NCOA2: variants seen among roughly 807,000 people sequenced by gnomAD.
The protein encoded by NCOA2 is nuclear receptor coactivator 2.
Under a neutral mutation model 145.1 loss-of-function variants are expected in NCOA2, and 21 were observed. The observed-to-expected ratio is 0.14, with a 90% CI of 0.10 to 0.21. The LOEUF (loss-of-function observed/expected upper bound fraction) is 0.21. NCOA2 is among the 10% of genes least tolerant of loss of function. NCOA2 has a pLI of 1.00. For missense variants in NCOA2, 1,472 were observed against 1,837.6 expected (o/e 0.80, Z 3.64); for synonymous variants, 619 against 637.5 (o/e 0.97, Z 0.44).
chr8:70,429,196 C>G, the NCOA2 span, among the ~76,000 whole-genome samples: 1 of 152,172 alleles, frequency 6.6e-6, no homozygotes, highest in East Asian at 1.9e-4. Flanking sequence ...CCCATTCTTT[C>G]ATTTATGTTT....
chr8:70,239,191 A>G (rs1821909943), intron 2 of NCOA2, among the ~76,000 whole-genome samples: 1 of 152,150 alleles, frequency 6.6e-6, no homozygotes, highest in Non-Finnish European at 1.5e-5. Context: ...TCTGGAGGTG[A>G]TGGGAGATCA....
chr8:70,446,113 T>A, the NCOA2 span, among the ~76,000 whole-genome samples: 23 of 152,148 alleles, frequency 1.5e-4, no homozygotes, highest in Non-Finnish European at 2.9e-4. Flanking sequence ...TTATCTTTAG[T>A]CACAGAATCA....
At chr8:70,382,202 AGAG>A (rs1356948963) in intron 1 of NCOA2, among the ~76,000 whole-genome samples, 1 of 152,050 alleles carries the variant, frequency 6.6e-6, no homozygotes, top group East Asian at 1.9e-4. Flanking sequence ...TAGGATCAGG[AGAG>A]GAGAGTGCTG....
chr8:70,350,023 G>A (rs1372994935), intron 1 of NCOA2, among the ~76,000 whole-genome samples: 1 of 151,928 alleles, frequency 6.6e-6, no homozygotes, highest in Non-Finnish European at 1.5e-5. Flanking sequence ...AGTATTAAAA[G>A]CCCCAAGGAA....
intron 2 of NCOA2, among the ~76,000 whole-genome samples, chr8:70,234,433 C>T (rs78967256): frequency 2.0e-4 from 30 of 152,214 alleles, no homozygotes; most frequent in Middle Eastern, 6.8e-3. Context: ...TGAAGAAATG[C>T]GAAACTACTT....
chr8:70,342,474 G>A (rs1808221497), intron 1 of NCOA2, among the ~76,000 whole-genome samples: 1 of 151,872 alleles, frequency 6.6e-6, no homozygotes, highest in Admixed American at 6.6e-5. Context: ...TTATACCAAT[G>A]CAAATTAAAT....
chr8:70,334,078 T>TA (rs1208362741), intron 1 of NCOA2, among the ~76,000 whole-genome samples: 1 of 152,212 alleles, frequency 6.6e-6, no homozygotes, highest in Non-Finnish European at 1.5e-5. Context: ...ACCTACCTGA[T>TA]AAAACTCTGC....
upstream of NCOA2, among the ~76,000 whole-genome samples, chr8:70,405,319 A>G (rs1291737276): frequency 1.3e-5 from 2 of 151,830 alleles, no homozygotes; most frequent in East Asian, 3.9e-4. Flanking sequence ...ATAACAACAA[A>G]TGTTAGCGCT....
Position 70,216,661 on chromosome 8 carries a change from T to G in NCOA2, c.85A>C (p.Ser29Arg). The change falls in exon 3 of 23, where the codon AGC (serine) becomes CGC (arginine). Residue 29 changes from serine to arginine, a missense_variant and splice_region_variant. Coordinates refer to ENST00000452400, the MANE Select transcript of NCOA2 (RefSeq NM_006540.4). ...TCCTTTTCTCAGCAAGAATCTAACC[T>G]GGGTCCAAGTTGGTCAGGACATTCC... Reference protein sequence around the residue: ...RKECPDQLGPSPKRNTEKRNR... With the variant: ...RKECPDQLGPRPKRNTEKRNR... 1 of 1,610,030 alleles carries G rather than the reference T, an allele frequency of 6.2e-7. No individual in the cohort carries two copies. Among genetic ancestry groups the G allele is most frequent in the Non-Finnish European group, 8.5e-7 (1 of 1,176,256 alleles).
chr8:70,241,345 T>C (rs1822113878), intron 2 of NCOA2, among the ~76,000 whole-genome samples: 1 of 152,166 alleles, frequency 6.6e-6, no homozygotes, highest in Non-Finnish European at 1.5e-5. Context: ...TAACAATCTC[T>C]GCTATCCCAA....
intron 2 of NCOA2, among the ~76,000 whole-genome samples, chr8:70,285,113 T>C (rs1453383323): frequency 6.6e-6 from 1 of 152,220 alleles, no homozygotes; most frequent in East Asian, 1.9e-4. Context: ...TATCCTTATA[T>C]TCATGATAGC....
chr8:70,276,805 G>A (rs535511005), intron 2 of NCOA2, among the ~76,000 whole-genome samples: 9 of 152,022 alleles, frequency 5.9e-5, no homozygotes, highest in African/African-American at 1.9e-4. Context: ...ATATACACCC[G>A]TTAGTCTCAA....
intron 1 of NCOA2, among the ~76,000 whole-genome samples, chr8:70,305,433 G>A (rs1827813318): frequency 6.6e-6 from 1 of 152,084 alleles, no homozygotes; most frequent in African/African-American, 2.4e-5. Context: ...TTTTTAAAAT[G>A]CACACAAAGC....
chr8:70,401,678 C>G (rs750380952), intron 1 of NCOA2: 1 of 152,114 alleles, frequency 6.6e-6, no homozygotes. Flanking sequence ...AATCAGTTGA[C>G]GTGATACTGC....
chr8:70,221,936 T>C (rs564463680), intron 2 of NCOA2, among the ~76,000 whole-genome samples: 1 of 152,298 alleles, frequency 6.6e-6, no homozygotes, highest in East Asian at 1.9e-4. Context: ...CTAGTAAAAT[T>C]ATGTATTATT....
At chr8:70,395,030 T>A (rs141968175) in intron 1 of NCOA2, among the ~76,000 whole-genome samples, 143 of 152,320 alleles carry the variant, frequency 9.4e-4, no homozygotes, top group African/African-American at 3.1e-3. Context: ...AAACTGTAGA[T>A]CATGATCAGA....
intron 1 of NCOA2, among the ~76,000 whole-genome samples, chr8:70,392,303 T>C (rs1813279951): frequency 6.6e-6 from 1 of 152,218 alleles, no homozygotes; most frequent in South Asian, 2.1e-4. Context: ...CGCCGCCCAC[T>C]TTTCCATCTG....
At chr8:70,276,285 T>C (rs1240918767) in intron 2 of NCOA2, among the ~76,000 whole-genome samples, 2 of 151,976 alleles carry the variant, frequency 1.3e-5, no homozygotes, top group African/African-American at 2.4e-5. Flanking sequence ...GAAAGACAAA[T>C]AAATCCTCCA....
At chr8:70,252,510 C>T (rs1207228280) in intron 2 of NCOA2, among the ~76,000 whole-genome samples, 2 of 152,250 alleles carry the variant, frequency 1.3e-5, no homozygotes, top group Non-Finnish European at 2.9e-5. Flanking sequence ...TACATAACTT[C>T]TTCCCATCCT....
Sources: gnomAD v4.1 joint callset for allele counts (sites outside exome capture counted in the v4.1 genomes callset) on GRCh38, gnomAD v4.1.1 for gene constraint, MANE v1.5 for transcripts, NCBI Gene and HGNC (gene_info 2026-07-23, HGNC 2026-07-21) for gene names.